SLC25A48: variants seen among roughly 807,000 people sequenced by gnomAD.
The protein encoded by SLC25A48 is CTC-321K16.1.
In SLC25A48, 29 loss-of-function variants were observed where a neutral mutation model predicts 32.2. The ratio of observed to expected loss-of-function variants is 0.90; its 90% CI spans 0.67 to 1.23. The LOEUF (loss-of-function observed/expected upper bound fraction) is 1.23, where lower values mean the gene tolerates loss of function less well. Among genes scored for constraint, SLC25A48 ranks in the 50% most tolerant of loss-of-function variants. The pLI, the probability that SLC25A48 is intolerant of heterozygous loss-of-function variation, is 0.00. For synonymous variants in SLC25A48, 164 were observed against 172.3 expected, an observed-to-expected ratio of 0.95 and a Z score of 0.38; for missense variants, 399 against 422.7, an observed-to-expected ratio of 0.94 and a Z score of 0.49.
chr5:135,688,265 C>T lies in SLC25A48; in HGVS notation c.-521+53309C>T, dbSNP rs538800275. Among the ~76,000 whole-genome samples the T allele has an allele frequency of 4.6e-5, 7 of 152,244 alleles. No individual in the cohort carries two copies. In the East Asian group the frequency reaches 1.2e-3, roughly 25 times the overall value. Reference sequence around the variant, plus strand: ...TATGTCTATATCACATTTTGCTTATCCATTCATCCACCAATGGATATTTGG... The same window carrying T: ...TATGTCTATATCACATTTTGCTTATTCATTCATCCACCAATGGATATTTGG... On this transcript the variant is annotated intron_variant, in intron 3 of 10. Transcript: ENST00000646290.
At chr5:135,730,936 A>G (rs1457852745) in intron 3 of SLC25A48, among the ~76,000 whole-genome samples, 1 of 152,154 alleles carries the variant, frequency 6.6e-6, no homozygotes, top group African/African-American at 2.4e-5. Context: ...TGGGACATAA[A>G]CTGAGATCTT....
intron 3 of SLC25A48, among the ~76,000 whole-genome samples, chr5:135,688,446 A>G (rs1166956857): frequency 2.6e-5 from 4 of 152,218 alleles, no homozygotes; most frequent in African/African-American, 9.6e-5. Context: ...GTTTCACTGC[A>G]TGAATGTCTA....
chr5:135,657,824 T>G (rs1266762450), intron 3 of SLC25A48, among the ~76,000 whole-genome samples: 1 of 152,208 alleles, frequency 6.6e-6, no homozygotes, highest in African/African-American at 2.4e-5. Context: ...GGACTTCCTC[T>G]CTTTACTGTA....
intron 3 of SLC25A48, among the ~76,000 whole-genome samples, chr5:135,670,683 G>T (rs1263638063): frequency 1.3e-5 from 2 of 152,158 alleles, no homozygotes; most frequent in East Asian, 3.8e-4. Flanking sequence ...TCATAGCTTT[G>T]TCCTGAAAGG....
chr5:135,626,400 GT>G (rs1321980748), intron 1 of SLC25A48, among the ~76,000 whole-genome samples: 1 of 152,192 alleles, frequency 6.6e-6, no homozygotes, highest in Non-Finnish European at 1.5e-5. Flanking sequence ...TGGCTCCCAG[GT>G]TTTAATGTGT....
At chr5:135,592,433 C>T (rs972441057) in intron 1 of SLC25A48, among the ~76,000 whole-genome samples, 1 of 152,162 alleles carries the variant, frequency 6.6e-6, no homozygotes, top group African/African-American at 2.4e-5. Context: ...AGTAAGTGCT[C>T]ATCAGATTAG....
intron 3 of SLC25A48, among the ~76,000 whole-genome samples, chr5:135,707,693 A>G (rs1227848831): frequency 6.6e-6 from 1 of 151,498 alleles, no homozygotes; most frequent in African/African-American, 2.4e-5. Flanking sequence ...CCCTTAGCAG[A>G]AGCAGCCCCT....
chr5:135,638,884 T>C (rs1472335416), intron 3 of SLC25A48, among the ~76,000 whole-genome samples: 2 of 152,196 alleles, frequency 1.3e-5, no homozygotes, highest in African/African-American at 4.8e-5. Flanking sequence ...AGAAAGCCAA[T>C]GACAAGGTAT....
At chr5:135,622,198 G>A (rs1311217373) in intron 1 of SLC25A48, among the ~76,000 whole-genome samples, 2 of 152,224 alleles carry the variant, frequency 1.3e-5, no homozygotes, top group African/African-American at 4.8e-5. Context: ...TGAGGACAGA[G>A]TGAAGTGGGC....
At chr5:135,743,603 T>C (rs1755562503) in intron 3 of SLC25A48, among the ~76,000 whole-genome samples, 1 of 152,198 alleles carries the variant, frequency 6.6e-6, no homozygotes, top group South Asian at 2.1e-4. Context: ...CGAGGTATAA[T>C]GGAAAATAAA....
rs1032238881 is a variant in SLC25A48 at position 135,597,860 on chromosome 5, C to T, written c.-849+18263C>T. Among the ~76,000 whole-genome samples, 5 of 152,122 alleles carry T rather than the reference C, an allele frequency of 3.3e-5. No individual in the cohort carries two copies. The South Asian group carries it at 6.2e-4, about 19-fold the overall frequency. On this transcript the variant is annotated intron_variant, in intron 1 of 10. Coordinates refer to the SLC25A48 transcript ENST00000646290. ...CTCTACTAAAAATACAAAAATTAGCCGGGCATGGTGCTGCACGCCTGTAGT... is the reference window on the plus strand; with the variant it reads ...CTCTACTAAAAATACAAAAATTAGCTGGGCATGGTGCTGCACGCCTGTAGT...
chr5:135,580,339 T>C (rs575833772), intron 1 of SLC25A48, among the ~76,000 whole-genome samples: 1 of 152,256 alleles, frequency 6.6e-6, no homozygotes, highest in South Asian at 2.1e-4. Flanking sequence ...AGGTGGATCA[T>C]CTCAAGCTCT....
intron 3 of SLC25A48, among the ~76,000 whole-genome samples, chr5:135,723,246 T>A (rs1755003176): frequency 6.6e-6 from 1 of 152,140 alleles, no homozygotes; most frequent in Non-Finnish European, 1.5e-5. Context: ...AACAATGGGT[T>A]TTCATTGGCG....
chr5:135,590,917 A>G (rs1751510211), intron 1 of SLC25A48, among the ~76,000 whole-genome samples: 1 of 152,262 alleles, frequency 6.6e-6, no homozygotes, highest in Admixed American at 6.5e-5. Context: ...TGGCGATGAG[A>G]ATAAATGACT....
At chr5:135,761,489 A>G (rs1756059314) in intron 3 of SLC25A48, among the ~76,000 whole-genome samples, 1 of 152,070 alleles carries the variant, frequency 6.6e-6, no homozygotes, top group Non-Finnish European at 1.5e-5. Context: ...GAAAAAGAAA[A>G]CTGAACTATA....
At chr5:135,839,502 C>G (rs771021580) in intron 1 of SLC25A48, among the ~76,000 whole-genome samples, 2 of 152,196 alleles carry the variant, frequency 1.3e-5, no homozygotes, top group African/African-American at 2.4e-5. Flanking sequence ...TTTGATTTTA[C>G]AGGCTTATAA....
chr5:135,837,464 C>G (rs191424512), intron 1 of SLC25A48, among the ~76,000 whole-genome samples: 2 of 152,192 alleles, frequency 1.3e-5, no homozygotes, highest in Non-Finnish European at 2.9e-5. Context: ...CTTTGAAGAA[C>G]AGTTTCCCTT....
Position 135,587,002 on chromosome 5 carries a change from C to T in SLC25A48, c.-849+7405C>T, listed in dbSNP as rs140225327. ...AAACCTTGGTTCAGGGAAGTTCTTG[C>T]CCAAAGGTCAGGGCATTGTATTTTT... On this transcript the variant is annotated intron_variant, in intron 1 of 10. Transcript: ENST00000646290. Among the ~76,000 whole-genome samples, 791 of 152,144 alleles carry T rather than the reference C, an allele frequency of 5.2e-3. 4 individuals are homozygous for T. The highest frequency in any genetic ancestry group is 0.024 in the Middle Eastern group (7 of 294).
intron 2 of SLC25A48, among the ~76,000 whole-genome samples, chr5:135,846,215 C>T (rs1759404245): frequency 6.6e-6 from 1 of 152,198 alleles, no homozygotes; most frequent in Non-Finnish European, 1.5e-5. Context: ...TCAAAACCAT[C>T]ACCCCACCCT....
Sources: gnomAD v4.1 joint callset for allele counts (sites outside exome capture counted in the v4.1 genomes callset) on GRCh38, gnomAD v4.1.1 for gene constraint, MANE v1.5 for transcripts, NCBI Gene and HGNC (gene_info 2026-07-23, HGNC 2026-07-21) for gene names.